The following CAMSAP2 variants were observed in gnomAD, a reference collection of about 807,000 sequenced individuals.
CAMSAP2 encodes the protein calmodulin-regulated spectrin-associated protein 2.
CAMSAP2 carries 26 observed loss-of-function variants against 146.1 expected under a neutral mutation model. The observed-to-expected ratio is 0.18, with a 90% CI of 0.13 to 0.25. The LOEUF (loss-of-function observed/expected upper bound fraction) is 0.25. CAMSAP2 is among the 10% of genes least tolerant of loss of function. The probability of loss-of-function intolerance (pLI) is 1.00; values close to 1 mark genes in which losing one functional copy is unlikely to be tolerated. For missense variants in CAMSAP2, 1,381 were observed against 1,759.3 expected, an observed-to-expected ratio of 0.78 and a Z score of 3.85; for synonymous variants, 499 against 596.6, an observed-to-expected ratio of 0.84 and a Z score of 2.38.
Position 200,815,648 on chromosome 1 carries a change from T to A in CAMSAP2, c.645+4T>A. 1 of 1,532,946 alleles carries A rather than the reference T, an allele frequency of 6.5e-7. No individual in the cohort carries two copies. The allele number at this position is 1,532,946 out of a possible 1,614,324, so 95.0% of individuals were successfully genotyped here. On this transcript the variant is annotated splice_donor_region_variant and intron_variant, in intron 4 of 16. Transcript: ENST00000358823. ...TGAAGCTCCAGGAGGTCAAAAGGTATTTATTTCAAAAACAAAAAGGTGCCT... is the reference window on the plus strand; with the variant it reads ...TGAAGCTCCAGGAGGTCAAAAGGTAATTATTTCAAAAACAAAAAGGTGCCT...
chr1:200,849,759 C>G lies in CAMSAP2; in HGVS notation c.2990C>G (p.Ser997Cys). Residue 997 changes from serine to cysteine, a missense_variant, in exon 11 of 17, where the codon TCT becomes TGT. Coordinates refer to ENST00000358823, the MANE Select transcript of CAMSAP2 (RefSeq NM_203459.4). The surrounding 1 kb of genome is among the most constrained non-coding windows in gnomAD (Gnocchi z 6.3). ...AATCGAACCTTGACACCTCCTCGGT[C>G]TGTGGATAGCCTTCCTCGGTTAAGG... is the stretch of plus-strand genomic sequence containing the variant. ...PLNRTLTPPRSVDSLPRLRRF... is the reference protein window; with the variant it reads ...PLNRTLTPPRCVDSLPRLRRF... 1.2e-6 allele frequency: 2 copies of G among 1,614,178 alleles called. No homozygotes were observed. The highest frequency in any genetic ancestry group is 1.7e-6 in the Non-Finnish European group (2 of 1,180,036).
intron 2 of CAMSAP2, among the ~76,000 whole-genome samples, chr1:200,800,877 C>T (rs557651366): frequency 6.6e-6 from 1 of 152,256 alleles, no homozygotes; most frequent in East Asian, 1.9e-4. Flanking sequence ...AAAAATCTCT[C>T]AGTATTTGGT....
chr1:200,814,137 G>T (rs1666412141), intron 3 of CAMSAP2, among the ~76,000 whole-genome samples: 1 of 140,872 alleles, frequency 7.1e-6, no homozygotes, highest in Non-Finnish European at 1.5e-5. Flanking sequence ...GTGGCGGGGG[G>T]AGGGGTGGGC....
intron 2 of CAMSAP2, among the ~76,000 whole-genome samples, chr1:200,801,232 C>T (rs1198597840): frequency 2.0e-5 from 3 of 151,592 alleles, no homozygotes; most frequent in East Asian, 3.9e-4. Context: ...CCACTGCACT[C>T]CAGCCTGGAG....
intron 11 of CAMSAP2, among the ~76,000 whole-genome samples, chr1:200,851,063 T>C (rs1667606610): frequency 6.6e-6 from 1 of 152,370 alleles, no homozygotes; most frequent in East Asian, 1.9e-4. Flanking sequence ...AAATGTTTCA[T>C]CATTTGTGTA....
At chr1:200,814,846 C>T (rs546120073) in intron 3 of CAMSAP2, among the ~76,000 whole-genome samples, 1 of 151,984 alleles carries the variant, frequency 6.6e-6, no homozygotes, top group South Asian at 2.1e-4. Flanking sequence ...TTCTACAGTG[C>T]CATGATTAAT....
Position 200,760,828 on chromosome 1 carries a change from A to G in CAMSAP2, c.140-11A>G. ...ATCTTGTAAGAGAATTTTTTCCATT[A>G]ATCTTTATAGAAAATGTGCCAGAGG... On this transcript the variant is annotated splice_polypyrimidine_tract_variant and intron_variant, in intron 1 of 16. Transcript: ENST00000358823. 1 of 1,540,866 alleles carries G rather than the reference A, an allele frequency of 6.5e-7. No homozygotes were observed. Among genetic ancestry groups the G allele is most frequent in the South Asian group, 1.3e-5 (1 of 76,288 alleles).
chr1:200,760,844 G>A lies in CAMSAP2; in HGVS notation c.145G>A (p.Val49Met). 6.4e-7 allele frequency: 1 copy of A among 1,569,994 alleles called. No homozygotes were observed. Among genetic ancestry groups the A allele is most frequent in the Non-Finnish European group, 8.7e-7 (1 of 1,152,944 alleles). The change falls in exon 2 of 17, where the codon GTG (valine) becomes ATG (methionine). Residue 49 changes from valine (V) to methionine (M), a missense_variant. Val to Met is a conservative substitution (Grantham distance 21). Around this residue, in one of 4 missense-constraint regions of CAMSAP2, gnomAD observed 284 missense variants for 406.9 expected, o/e 0.70. Transcript: ENST00000358823. ...TTTTCCATTAATCTTTATAGAAAAT[G>A]TGCCAGAGGAACTTCAAGAACCATT... ...LVAKAFGTENVPEELQEPFYT... is the reference protein window; with the variant it reads ...LVAKAFGTENMPEELQEPFYT...
chr1:200,795,240 G>T (rs1226353437), intron 2 of CAMSAP2, among the ~76,000 whole-genome samples: 1 of 152,138 alleles, frequency 6.6e-6, no homozygotes, highest in Non-Finnish European at 1.5e-5. Context: ...GTCACTGAAG[G>T]CTTTTGACTG....
At chr1:200,834,773 G>A (rs908474942) in intron 6 of CAMSAP2, among the ~76,000 whole-genome samples, 3 of 152,138 alleles carry the variant, frequency 2.0e-5, no homozygotes, top group Non-Finnish European at 2.9e-5. Context: ...TTAGCCAGGC[G>A]TGATGGCACA....
rs921859226 is a variant in CAMSAP2, at chr1:200,822,805, C to T, written c.645+7161C>T. Among the ~76,000 whole-genome samples, 5 of 152,196 alleles carry T rather than the reference C, an allele frequency of 3.3e-5. No individual in the cohort carries two copies. In the South Asian group the frequency reaches 8.3e-4, roughly 25 times the overall value. ...TGGAATGCTGGACAGAGGTATGATT[C>T]CCTTCCCAGACTGGATGGAATAGGA... On this transcript the variant is annotated intron_variant, in intron 4 of 16. Transcript: ENST00000358823.
intron 2 of CAMSAP2, among the ~76,000 whole-genome samples, chr1:200,763,055 A>G (rs1664843912): frequency 6.6e-6 from 1 of 152,098 alleles, no homozygotes; most frequent in African/African-American, 2.4e-5. Context: ...GTGCATCACC[A>G]TGCCCAGCTA....
At chr1:200,850,804 C>G (rs1276759045) in intron 11 of CAMSAP2, among the ~76,000 whole-genome samples, 1 of 152,178 alleles carries the variant, frequency 6.6e-6, no homozygotes, top group Non-Finnish European at 1.5e-5. Flanking sequence ...TCCAATCATG[C>G]CATTCCAGTC....
intron 6 of CAMSAP2, among the ~76,000 whole-genome samples, chr1:200,834,607 A>T (rs1486013783): frequency 3.3e-5 from 5 of 152,166 alleles, no homozygotes; most frequent in African/African-American, 1.2e-4. Context: ...TTTATGAAAT[A>T]CTGAACTACA....
At chr1:200,760,812 G>T in intron 1 of CAMSAP2, 27 bp from the exon 2 acceptor site, 1 of 1,492,008 alleles carries the variant, frequency 6.7e-7, no homozygotes. Flanking sequence ...AATCTTGTAA[G>T]AGAATTTTTT....
chr1:200,820,083 C>CG (rs1352904946), intron 4 of CAMSAP2, among the ~76,000 whole-genome samples: 1 of 146,920 alleles, frequency 6.8e-6, no homozygotes, highest in Non-Finnish European at 1.5e-5. Context: ...TTTTTTGAGA[C>CG]GGAGTTTTGC....
chr1:200,807,947 G>T (rs1483050622), intron 3 of CAMSAP2, among the ~76,000 whole-genome samples: 1 of 151,920 alleles, frequency 6.6e-6, no homozygotes, highest in Non-Finnish European at 1.5e-5. Context: ...CGCCATGTTG[G>T]CCAGGCTGGT....
chr1:200,784,138 T>C (rs767515595), intron 2 of CAMSAP2, among the ~76,000 whole-genome samples: 5 of 152,222 alleles, frequency 3.3e-5, no homozygotes, highest in Non-Finnish European at 7.3e-5. Context: ...TCCATTGATT[T>C]AGATGTCTGT....
intron 8 of CAMSAP2, among the ~76,000 whole-genome samples, chr1:200,846,165 CA>C (rs747887349): frequency 2.0e-5 from 3 of 152,096 alleles, no homozygotes; most frequent in Non-Finnish European, 2.9e-5. Context: ...TGGCTTAACA[CA>C]AAAATATGAA....
Sources: allele counts gnomAD v4.1 joint callset (sites outside exome capture counted in the v4.1 genomes callset), GRCh38; gene constraint gnomAD v4.1.1; regional missense constraint gnomAD v4.1.1; non-coding constraint Gnocchi (gnomAD v3.1); transcripts MANE v1.5; gene names NCBI Gene and HGNC (gene_info 2026-07-23, HGNC 2026-07-21).